The following ZBTB20 variants were observed in gnomAD, a reference collection of about 807,000 sequenced individuals.
ZBTB20 encodes the protein zinc finger and BTB domain containing 20.
A neutral mutation model predicts 56.9 loss-of-function variants in ZBTB20; 9 were observed. The observed-to-expected ratio is 0.16, with a 90% confidence interval of 0.10 to 0.28. ZBTB20 has a LOEUF of 0.28. Among genes scored for constraint, ZBTB20 ranks in the 10% least tolerant of loss-of-function variants. ZBTB20 has a pLI of 1.00. For missense variants in ZBTB20, 655 were observed against 1,003.0 expected (o/e 0.65, Z 4.69); for synonymous variants, 417 against 420.7 (o/e 0.99, Z 0.11).
At chr3:114,795,253 A>T (rs1381426499) in intron 5 of ZBTB20, among the ~76,000 whole-genome samples, 1 of 152,076 alleles carries the variant, frequency 6.6e-6, no homozygotes, top group African/African-American at 2.4e-5. Flanking sequence ...TAGCATGTGT[A>T]TATTATTTAC....
intron 1 of ZBTB20, among the ~76,000 whole-genome samples, chr3:115,125,660 T>C (rs566494879): frequency 8.8e-4 from 134 of 152,324 alleles, no homozygotes; most frequent in Admixed American, 1.6e-3. Context: ...GTATGGTGAC[T>C]ATAGTTAATA....
At chr3:114,625,639 A>G (rs1054871348) in intron 6 of ZBTB20, among the ~76,000 whole-genome samples, 6 of 152,114 alleles carry the variant, frequency 3.9e-5, no homozygotes. Flanking sequence ...TAGAGAAAAG[A>G]GAGTTACCAG....
chr3:115,106,507 A>G (rs2083728524), intron 1 of ZBTB20, among the ~76,000 whole-genome samples: 1 of 152,148 alleles, frequency 6.6e-6, no homozygotes, highest in Non-Finnish European at 1.5e-5. Flanking sequence ...TAATGGAATT[A>G]CAAGCATGAG....
intron 7 of ZBTB20, among the ~76,000 whole-genome samples, chr3:114,422,838 T>C (rs1424209432): frequency 6.6e-6 from 1 of 152,138 alleles, no homozygotes; most frequent in Non-Finnish European, 1.5e-5. Flanking sequence ...GAGATGAAAT[T>C]ATATCATAAG....
chr3:114,438,876 C>T (rs2090720469), intron 7 of ZBTB20, among the ~76,000 whole-genome samples: 1 of 152,096 alleles, frequency 6.6e-6, no homozygotes, highest in Non-Finnish European at 1.5e-5. Flanking sequence ...GAAGCTGGCC[C>T]TAGTTTTAGT....
intron 1 of ZBTB20, among the ~76,000 whole-genome samples, chr3:115,107,720 A>G (rs1236003564): frequency 6.6e-6 from 1 of 152,252 alleles, no homozygotes; most frequent in Non-Finnish European, 1.5e-5. Flanking sequence ...ACTATTTACA[A>G]TAGCAGACAT....
chr3:114,913,751 T>C (rs748361990), intron 3 of ZBTB20, among the ~76,000 whole-genome samples: 26 of 152,074 alleles, frequency 1.7e-4, no homozygotes, highest in African/African-American at 6.0e-4. Context: ...GTTGATTTCA[T>C]TTTTGTATAT....
At chr3:115,046,752 T>C (rs983351092) in intron 2 of ZBTB20, among the ~76,000 whole-genome samples, 9 of 152,212 alleles carry the variant, frequency 5.9e-5, no homozygotes, top group Non-Finnish European at 1.3e-4. Context: ...CTCCTTGCTA[T>C]GGGCAAGTCT....
At chr3:114,668,689 T>C (rs2061192453) in intron 6 of ZBTB20, among the ~76,000 whole-genome samples, 1 of 151,994 alleles carries the variant, frequency 6.6e-6, no homozygotes, top group South Asian at 2.1e-4. Context: ...GGGAATTTAA[T>C]TGTTAAGTCA....
chr3:114,398,925 C>T (rs1259913313), intron 7 of ZBTB20, among the ~76,000 whole-genome samples: 3 of 152,116 alleles, frequency 2.0e-5, no homozygotes, highest in South Asian at 2.1e-4. Flanking sequence ...AGCTTGGCAA[C>T]GACTGGCACA....
At chr3:115,078,393 T>C (rs929641915) in intron 1 of ZBTB20, among the ~76,000 whole-genome samples, 5 of 152,094 alleles carry the variant, frequency 3.3e-5, no homozygotes, top group Admixed American at 3.3e-4. Context: ...TGAGAAATTA[T>C]TCTTCATCCT....
chr3:115,142,578 T>A (rs570295390), intron 1 of ZBTB20, among the ~76,000 whole-genome samples: 13 of 151,354 alleles, frequency 8.6e-5, no homozygotes, highest in Admixed American at 8.6e-4. Context: ...GCAGGAGAAT[T>A]GCTTGAATCT....
rs181916561 is a variant in ZBTB20 at position 114,433,728 on chromosome 3, C to G, written c.-254-44623G>C. Among the ~76,000 whole-genome samples, 176 of 152,204 alleles carry G rather than the reference C, an allele frequency of 1.2e-3. 1 individual carries two copies. The highest frequency in any genetic ancestry group is 4.1e-3 in the African/African-American group (172 of 41,520). ...AGGAGGAATGAGACATATAAACATGCTCTAGTATAAGACAGTATGTAATCA... is the reference window on the plus strand; with the variant it reads ...AGGAGGAATGAGACATATAAACATGGTCTAGTATAAGACAGTATGTAATCA... On this transcript the variant is annotated intron_variant, in intron 7 of 11. Coordinates refer to ENST00000675478, the MANE Select transcript of ZBTB20 (RefSeq NM_001348800.3).
intron 6 of ZBTB20, among the ~76,000 whole-genome samples, chr3:114,689,524 G>C (rs929911643): frequency 3.2e-4 from 48 of 152,108 alleles, no homozygotes; most frequent in African/African-American, 1.1e-3. Context: ...GGTCACAAAT[G>C]TAACAACAAC....
chr3:114,397,437 T>C (rs546393162), intron 7 of ZBTB20, among the ~76,000 whole-genome samples: 1 of 152,194 alleles, frequency 6.6e-6, no homozygotes, highest in South Asian at 2.1e-4. Context: ...GGATATATCT[T>C]TTCCCATGTT....
chr3:114,464,245 G>C (rs911711061), intron 7 of ZBTB20, among the ~76,000 whole-genome samples: 1 of 152,074 alleles, frequency 6.6e-6, no homozygotes, highest in Non-Finnish European at 1.5e-5. Context: ...TCACTGAGGT[G>C]AAAGTTGTGA....
rs117108980 is a variant in ZBTB20, at chr3:114,919,356, A to G, written c.-455-19014T>C. On this transcript the variant is annotated intron_variant, in intron 3 of 11. Coordinates refer to ENST00000675478, the MANE Select transcript of ZBTB20 (RefSeq NM_001348800.3). ...CACAAAAAATAGAGACATGAATCAA[A>G]GCAAAAATTGAATAAAATACAAAAG... Among the ~76,000 whole-genome samples, 227 of 152,284 alleles carry G rather than the reference A, an allele frequency of 1.5e-3. 1 individual carries two copies. The East Asian group carries it at 0.017, about 11-fold the overall frequency.
intron 7 of ZBTB20, among the ~76,000 whole-genome samples, chr3:114,473,278 T>C (rs901080678): frequency 6.6e-6 from 1 of 152,204 alleles, no homozygotes; most frequent in Non-Finnish European, 1.5e-5. Flanking sequence ...TTCCAAATTA[T>C]TGTGTCTTTC....
intron 5 of ZBTB20, among the ~76,000 whole-genome samples, chr3:114,749,627 T>G (rs2067405472): frequency 7.0e-6 from 1 of 142,654 alleles, no homozygotes; most frequent in African/African-American, 2.8e-5. Context: ...AAGGAATAAA[T>G]TGGCTATGCC....
Sources: allele counts gnomAD v4.1 joint callset (sites outside exome capture counted in the v4.1 genomes callset), GRCh38; gene constraint gnomAD v4.1.1; transcripts MANE v1.5; gene names NCBI Gene and HGNC (gene_info 2026-07-23, HGNC 2026-07-21).